Variants in PIEZO2 observed in about 807,000 individuals in gnomAD.
The protein encoded by PIEZO2 is piezo type mechanosensitive ion channel component 2.
PIEZO2 carries 172 observed loss-of-function variants against 337.3 expected under a neutral mutation model. That is an observed-to-expected ratio of 0.51 (90% CI 0.45 to 0.58). The LOEUF (loss-of-function observed/expected upper bound fraction) is 0.58, where lower values mean the gene tolerates loss of function less well. Ranked by LOEUF, PIEZO2 falls within the 20% of genes least tolerant of loss-of-function variation. The pLI is 0.00. For synonymous variants in PIEZO2, 1,251 were observed against 1,228.5 expected, an observed-to-expected ratio of 1.02 and a Z score of -0.38; for missense variants, 3,028 against 3,391.3, an observed-to-expected ratio of 0.89 and a Z score of 2.66.
chr18:10,905,304 C>T (rs994876517), intron 4 of PIEZO2, among the ~76,000 whole-genome samples: 1 of 152,134 alleles, frequency 6.6e-6, no homozygotes, highest in Admixed American at 6.5e-5. Flanking sequence ...CAAGGTTGGC[C>T]AGGCGTGGTG....
chr18:11,108,112 T>A (rs1229592355), intron 1 of PIEZO2, among the ~76,000 whole-genome samples: 1 of 152,096 alleles, frequency 6.6e-6, no homozygotes. Flanking sequence ...TACGAAAAAT[T>A]TTCACTGGAA....
In PIEZO2 at chr18:10,795,738, C is replaced by T. The variant is rs1446077155; in HGVS notation, c.1528-736G>A. Among the ~76,000 whole-genome samples the T allele has an allele frequency of 1.3e-5, 2 of 152,072 alleles. No individual in the cohort carries two copies. The highest frequency in any genetic ancestry group is 4.8e-5 in the African/African-American group (2 of 41,398). Reference sequence around the variant, plus strand: ...ACCTGGACTGAGTGCCTGGGGAAACCGTGCCTAGGTTCTGTGTCCCTTGAG... The same window carrying T: ...ACCTGGACTGAGTGCCTGGGGAAACTGTGCCTAGGTTCTGTGTCCCTTGAG... On this transcript the variant is annotated intron_variant, in intron 12 of 55. Transcript: ENST00000674853. The surrounding 1 kb of genome is among the most constrained non-coding windows in gnomAD (Gnocchi z 4.4).
At chr18:10,931,441 C>T (rs264257) in intron 3 of PIEZO2, among the ~76,000 whole-genome samples, 95,578 of 152,028 alleles carry the variant, frequency 0.63, 30,570 homozygotes, top group African/African-American at 0.74. Flanking sequence ...CCTCGTGATC[C>T]GCCTGCCTTG....
chr18:10,820,433 C>T (rs1480431444), intron 7 of PIEZO2, among the ~76,000 whole-genome samples: 1 of 150,300 alleles, frequency 6.7e-6, no homozygotes, highest in Non-Finnish European at 1.5e-5. Flanking sequence ...ATCTTTTCTT[C>T]TGTGGTATTT....
intron 1 of PIEZO2, among the ~76,000 whole-genome samples, chr18:11,075,769 C>G (rs1243537996): frequency 6.7e-6 from 1 of 150,154 alleles, no homozygotes; most frequent in Non-Finnish European, 1.5e-5. Flanking sequence ...ACAGGAAAGG[C>G]GAATAGAGAT....
intron 2 of PIEZO2, among the ~76,000 whole-genome samples, chr18:11,060,001 T>C (rs2037881051): frequency 6.6e-6 from 1 of 152,158 alleles, no homozygotes; most frequent in South Asian, 2.1e-4. Context: ...GACCACATAG[T>C]TGGAAGTAAA....
intron 2 of PIEZO2, among the ~76,000 whole-genome samples, chr18:11,064,128 T>C (rs1227533459): frequency 1.3e-5 from 2 of 152,086 alleles, no homozygotes; most frequent in African/African-American, 4.8e-5. Flanking sequence ...GGGTCCCAGG[T>C]TGGACAAGCT....
At chr18:10,841,616 A>T (rs757313532) in intron 7 of PIEZO2, among the ~76,000 whole-genome samples, 1 of 152,236 alleles carries the variant, frequency 6.6e-6, no homozygotes, top group Admixed American at 6.5e-5. Flanking sequence ...TTCAAAATTA[A>T]GGGAGAAATT....
Position 10,724,021 on chromosome 18 carries a change from C to T in PIEZO2, c.5030-5762G>A, listed in dbSNP as rs780241064. Among the ~76,000 whole-genome samples, 13 of 152,110 alleles carry T rather than the reference C, an allele frequency of 8.5e-5. No homozygotes were observed. The highest frequency in any genetic ancestry group is 2.0e-4 in the Admixed American group (3 of 15,268). ...GAAGATGCCATAGGCAGAAGGCAGCCCCTGAGGCCTTCTCACCTACCTAAT... is the reference window on the plus strand; with the variant it reads ...GAAGATGCCATAGGCAGAAGGCAGCTCCTGAGGCCTTCTCACCTACCTAAT... On this transcript the variant is annotated intron_variant, in intron 36 of 55. Transcript: ENST00000674853. The surrounding 1 kb of genome is among the most constrained non-coding windows in gnomAD (Gnocchi z 5.8).
chr18:10,886,013 C>T (rs2042568684), intron 4 of PIEZO2, among the ~76,000 whole-genome samples: 2 of 151,536 alleles, frequency 1.3e-5, no homozygotes, highest in Admixed American at 6.6e-5. Context: ...AGCCAGAATC[C>T]GAAGAAAACC....
At chr18:10,820,365 C>A (rs1263581761) in intron 7 of PIEZO2, among the ~76,000 whole-genome samples, 1 of 148,870 alleles carries the variant, frequency 6.7e-6, no homozygotes, top group East Asian at 2.0e-4. Flanking sequence ...TCCTCAATTT[C>A]TTTTCTTCTT....
intron 7 of PIEZO2, among the ~76,000 whole-genome samples, chr18:10,829,275 A>C (rs1694505543): frequency 6.6e-6 from 1 of 152,168 alleles, no homozygotes; most frequent in South Asian, 2.1e-4. Context: ...CCCTAAAAAA[A>C]AAAACTGGAT....
intron 1 of PIEZO2, among the ~76,000 whole-genome samples, chr18:11,119,147 CT>C (rs58414095): frequency 0.34 from 44,709 of 129,964 alleles, 7,596 homozygotes; most frequent in African/African-American, 0.6. Context: ...CAAATATTTG[CT>C]TTTTTTTTTT....
intron 9 of PIEZO2, among the ~76,000 whole-genome samples, chr18:10,802,522 T>G (rs567063056): frequency 2.7e-4 from 41 of 152,334 alleles, no homozygotes; most frequent in Admixed American, 8.5e-4. Context: ...GTGTCATTGT[T>G]TTATAATTTT....
In PIEZO2 at chr18:10,914,506, T is replaced by C. The variant is rs550772034; in HGVS notation, c.287-3278A>G. On this transcript the variant is annotated intron_variant, in intron 3 of 55. Coordinates refer to ENST00000674853, the MANE Select transcript of PIEZO2 (RefSeq NM_001378183.1). ...TCTGTAGATTAATTATAATACCTAG[T>C]AATAGATATAAATGCTATGTAAATA... 2.9e-3 allele frequency among the ~76,000 whole-genome samples: 448 copies of C among 152,328 alleles called. 5 individuals carry two copies. The highest frequency in any genetic ancestry group is 4.7e-3 in the Non-Finnish European group (321 of 68,022).
intron 16 of PIEZO2, among the ~76,000 whole-genome samples, chr18:10,786,074 T>C (rs2039212066): frequency 6.6e-6 from 1 of 152,136 alleles, no homozygotes. Context: ...AGACTCCAAC[T>C]CACACACTTT....
In PIEZO2 at chr18:10,766,619, T is replaced by C. The variant is rs948458066; in HGVS notation, c.2947-3521A>G. On this transcript the variant is annotated intron_variant, in intron 21 of 55. Coordinates refer to ENST00000674853, the MANE Select transcript of PIEZO2 (RefSeq NM_001378183.1). The surrounding 1 kb of genome is among the most constrained non-coding windows in gnomAD (Gnocchi z 6.1). ...GCCTCCTGGGCCCTGCACTTACCCA[T>C]CCCTGGCTTCCCTCTCCCAGAGAAC... 1.3e-5 allele frequency among the ~76,000 whole-genome samples: 2 copies of C among 152,136 alleles called. No homozygotes were observed. Among genetic ancestry groups the C allele is most frequent in the African/African-American group, 4.8e-5 (2 of 41,434 alleles).
intron 5 of PIEZO2, among the ~76,000 whole-genome samples, chr18:10,860,154 A>C (rs936634224): frequency 1.3e-5 from 2 of 151,962 alleles, no homozygotes; most frequent in African/African-American, 4.8e-5. Flanking sequence ...AGTGTTGGAG[A>C]GGGGCTGGAG....
intron 48 of PIEZO2, among the ~76,000 whole-genome samples, chr18:10,690,699 T>C (rs1307116590): frequency 6.6e-6 from 1 of 152,204 alleles, no homozygotes; most frequent in African/African-American, 2.4e-5. Flanking sequence ...AGAGAGGAGA[T>C]GCTACTGCTG....
Sources: gnomAD v4.1 joint callset for allele counts (sites outside exome capture counted in the v4.1 genomes callset) on GRCh38, gnomAD v4.1.1 for gene constraint, Gnocchi (gnomAD v3.1) non-coding constraint, MANE v1.5 for transcripts, NCBI Gene and HGNC (gene_info 2026-07-23, HGNC 2026-07-21) for gene names.